The following PI4KA variants were observed in gnomAD, a reference collection of about 807,000 sequenced individuals.
PI4KA encodes the protein PI4-kinase alpha.
PI4KA carries 122 observed loss-of-function variants against 271.4 expected under a neutral mutation model. That is an observed-to-expected ratio of 0.45 (90% CI 0.39 to 0.52). The LOEUF (loss-of-function observed/expected upper bound fraction) is 0.52, where lower values mean the gene tolerates loss of function less well. Among genes scored for constraint, PI4KA ranks in the 20% least tolerant of loss-of-function variants. The pLI, the probability that PI4KA is intolerant of heterozygous loss-of-function variation, is 0.00. For synonymous variants in PI4KA, 1,041 were observed against 1,078.8 expected (o/e 0.96, Z 0.69); for missense variants, 1,969 against 2,769.1 (o/e 0.71, Z 6.48).
chr22:20,762,813 CTACT>C (rs1932110008), intron 22 of PI4KA, among the ~76,000 whole-genome samples: 1 of 152,126 alleles, frequency 6.6e-6, no homozygotes, highest in Non-Finnish European at 1.5e-5. Context: ...TTTTCTCTCT[CTACT>C]TATTTTGCAA....
chr22:20,844,246 C>T (rs184841018), intron 1 of PI4KA, among the ~76,000 whole-genome samples: 1 of 152,298 alleles, frequency 6.6e-6, no homozygotes, highest in African/African-American at 2.4e-5. Context: ...AGAACTTTAA[C>T]AACTACTTAA....
intron 4 of PI4KA, among the ~76,000 whole-genome samples, chr22:20,823,207 C>T (rs1185500495): frequency 6.6e-6 from 1 of 152,182 alleles, no homozygotes. Context: ...AGCCACCGCA[C>T]CCAGCCACTT....
chr22:20,729,533 T>A, intron 38 of PI4KA, 27 bp from the exon 39 acceptor site: 1 of 1,560,822 alleles, frequency 6.4e-7, no homozygotes, highest in African/African-American at 1.4e-5. Flanking sequence ...TAAGGCCTGA[T>A]ATGCACCCCT....
chr22:20,782,668 G>A (rs779746049), intron 19 of PI4KA, among the ~76,000 whole-genome samples: 3 of 152,156 alleles, frequency 2.0e-5, no homozygotes, highest in Non-Finnish European at 2.9e-5. Flanking sequence ...TTGTCCCCAA[G>A]GTCTGAAGAC....
chr22:20,774,692 C>T (rs1025246544), intron 19 of PI4KA, among the ~76,000 whole-genome samples: 2 of 148,880 alleles, frequency 1.3e-5, no homozygotes, highest in Non-Finnish European at 1.5e-5. Context: ...ACCCGGGAGG[C>T]AGAGGTTGCA....
intron 19 of PI4KA, among the ~76,000 whole-genome samples, chr22:20,792,764 G>A (rs1418501771): frequency 6.6e-6 from 1 of 152,204 alleles, no homozygotes; most frequent in African/African-American, 2.4e-5. Context: ...GAAGGAGACT[G>A]GGGCCATAGC....
chr22:20,786,896 A>G (rs1601497180), intron 19 of PI4KA: 2 of 1,614,196 alleles, frequency 1.2e-6, no homozygotes. Flanking sequence ...AGGCACGATC[A>G]CAGTGAACGA....
chr22:20,759,402 C>CTTTT (rs886192073), intron 23 of PI4KA, among the ~76,000 whole-genome samples: 78 of 102,878 alleles, frequency 7.6e-4, no homozygotes, highest in Non-Finnish European at 1.1e-3. Context: ...CTTTTCTTTT[C>CTTTT]TTTTTTTTTT....
chr22:20,721,506 T>C (rs1238492409), intron 42 of PI4KA, 88 bp from the exon 43 acceptor site: 1 of 1,446,886 alleles, frequency 6.9e-7, no homozygotes, highest in Admixed American at 1.7e-5. Context: ...CGGCATTTGG[T>C]AGACCAGGCA....
At chr22:20,846,263 C>CAAAAAAAA (rs361641) in intron 1 of PI4KA, among the ~76,000 whole-genome samples, 56 of 81,750 alleles carry the variant, frequency 6.9e-4, no homozygotes, top group Non-Finnish European at 8.4e-4. Flanking sequence ...GACTCTATCT[C>CAAAAAAAA]AAAAAAAAAA....
At chr22:20,820,487 G>A in intron 5 of PI4KA, 52 bp downstream of exon 5, 1 of 1,175,562 alleles carries the variant, frequency 8.5e-7, no homozygotes, top group South Asian at 1.3e-5. Context: ...GAAAAGCAAG[G>A]GAAAGAGTAA....
intron 28 of PI4KA, among the ~76,000 whole-genome samples, chr22:20,749,222 A>G (rs1930421012): frequency 1.3e-5 from 2 of 152,220 alleles, no homozygotes; most frequent in South Asian, 4.1e-4. Context: ...CTCCACAACC[A>G]GAAACACTTT....
rs766416266 is a variant in PI4KA, at chr22:20,733,828, C to T, written c.4068G>A (p.Gly1356=). ...CCACATCGGCATGCAGGAGGGACAG[C>T]CCCAGGGTCAGCAGCCTGTGAGGGA... The part of the protein sequence containing the change: ...IGPRFKLLTL[G]LSLLHADVVP... The change falls in exon 35 of 55, where the codon GGG becomes GGA. Residue 1356 remains glycine, a synonymous_variant. Coordinates refer to ENST00000255882, the MANE Select transcript of PI4KA (RefSeq NM_058004.4). 42 of 1,612,048 alleles carry T rather than the reference C, an allele frequency of 2.6e-5. No individual in the cohort carries two copies. The highest frequency in any genetic ancestry group is 2.2e-4 in the Middle Eastern group (1 of 4,578).
At chr22:20,716,236 G>C (rs1284343071) in intron 45 of PI4KA, among the ~76,000 whole-genome samples, 1 of 152,182 alleles carries the variant, frequency 6.6e-6, no homozygotes, top group Non-Finnish European at 1.5e-5. Context: ...ATTTTTGGTA[G>C]AGACGGGGTT....
chr22:20,814,465 T>G (rs764211145), intron 7 of PI4KA, among the ~76,000 whole-genome samples: 14 of 152,152 alleles, frequency 9.2e-5, no homozygotes, highest in Non-Finnish European at 1.9e-4. Context: ...TTAAAATAAT[T>G]AAGGCCAAGC....
rs1197022802 is a variant in PI4KA at position 20,708,112 on chromosome 22, G to T, written c.6258-14C>A. On this transcript the variant is annotated splice_polypyrimidine_tract_variant and intron_variant, in intron 54 of 54. Coordinates refer to ENST00000255882, the MANE Select transcript of PI4KA (RefSeq NM_058004.4). ...TAGGTCCGGCTCCTGAAAGGCCAAG[G>T]AAGAGTGAAGGGAGATTCGAGGAGC... 3 of 1,612,116 alleles carry T rather than the reference G, an allele frequency of 1.9e-6. No individual in the cohort carries two copies. The highest frequency in any genetic ancestry group is 1.3e-5 in the African/African-American group (1 of 74,998).
intron 32 of PI4KA, among the ~76,000 whole-genome samples, chr22:20,739,988 C>T (rs969238721): frequency 6.2e-5 from 9 of 144,772 alleles, no homozygotes; most frequent in East Asian, 2.0e-4. Context: ...CTTGAACCCA[C>T]GAGGCGGAGG....
At chr22:20,851,381 G>A (rs1410872249) in intron 1 of PI4KA, among the ~76,000 whole-genome samples, 2 of 151,836 alleles carry the variant, frequency 1.3e-5, no homozygotes, top group South Asian at 2.1e-4. Context: ...TTGCTCTGTC[G>A]CCCAGGCTGG....
chr22:20,759,587 A>G (rs1931743533), intron 23 of PI4KA, among the ~76,000 whole-genome samples: 1 of 149,270 alleles, frequency 6.7e-6, no homozygotes. Context: ...TATTTTTGAG[A>G]CAGAGTCTCA....
Sources: allele counts gnomAD v4.1 joint callset (sites outside exome capture counted in the v4.1 genomes callset), GRCh38; gene constraint gnomAD v4.1.1; transcripts MANE v1.5; gene names NCBI Gene and HGNC (gene_info 2026-07-23, HGNC 2026-07-21).